ZNF589: variants seen among roughly 807,000 people sequenced by gnomAD.
ZNF589 encodes KRAB-zinc finger protein SZF1-1.
In ZNF589, 17 loss-of-function variants were observed where a neutral mutation model predicts 13.6. That is an observed-to-expected ratio of 1.25 (90% CI 0.86 to 1.88). The LOEUF (loss-of-function observed/expected upper bound fraction) is 1.88, where lower values mean the gene tolerates loss of function less well. Among genes scored for constraint, ZNF589 ranks in the 40% most tolerant of loss-of-function variants. The pLI is 0.00. For missense variants in ZNF589, 407 were observed against 434.0 expected (o/e 0.94, Z 0.55); for synonymous variants, 148 against 161.6 (o/e 0.92, Z 0.64).
At chr3:48,247,163 GTTTC>G (rs1322929975) in intron 1 of ZNF589, among the ~76,000 whole-genome samples, 2 of 149,866 alleles carry the variant, frequency 1.3e-5, no homozygotes, top group Non-Finnish European at 3.0e-5. Flanking sequence ...TGGAGTTGGG[GTTTC>G]TTTGTCATGT....
intron 2 of ZNF589, among the ~76,000 whole-genome samples, chr3:48,255,212 A>G (rs1456814532): frequency 2.0e-5 from 3 of 149,196 alleles, no homozygotes; most frequent in African/African-American, 7.4e-5. Context: ...GTCTCACTCT[A>G]CCTGTCAGGC....
At chr3:48,260,668 CA>C in intron 2 of ZNF589, 144 bp from the exon 3 acceptor site, 1 of 1,135,346 alleles carries the variant, frequency 8.8e-7, no homozygotes, top group South Asian at 1.5e-5. Flanking sequence ...CTCGGCCTCC[CA>C]AAGTGCTAGG....
In ZNF589 at chr3:48,260,601, G is replaced by A. The variant is rs796868581; in HGVS notation, c.97-212G>A. On this transcript the variant is annotated intron_variant, in intron 2 of 3. Transcript: ENST00000354698. ...TTTTTGTATTTTTAGTGGAGACAGC[G>A]TTTCACCATATTGGCCAGTCTGGTC... Among the ~76,000 whole-genome samples the A allele has an allele frequency of 9.2e-5, 14 of 152,204 alleles. No homozygotes were observed. The East Asian group carries it at 1.9e-3, about 21-fold the overall frequency.
intron 2 of ZNF589, 22 bp from the exon 3 acceptor site, chr3:48,260,791 A>G (rs199583199): frequency 6.2e-7 from 1 of 1,614,006 alleles, no homozygotes; most frequent in Non-Finnish European, 8.5e-7. Flanking sequence ...CTTGATGAAT[A>G]TGAATTTATC....
intron 3 of ZNF589, among the ~76,000 whole-genome samples, chr3:48,265,562 A>C (rs1179841346): frequency 1.3e-5 from 2 of 152,086 alleles, no homozygotes; most frequent in African/African-American, 4.8e-5. Context: ...TGCTGGGATT[A>C]CAAGTGTGAG....
At chr3:48,267,708 A>C (rs1456098778) in intron 3 of ZNF589, among the ~76,000 whole-genome samples, 1 of 152,184 alleles carries the variant, frequency 6.6e-6, no homozygotes, top group African/African-American at 2.4e-5. Context: ...TGTATTATTC[A>C]TATTCTTGCA....
intron 2 of ZNF589, among the ~76,000 whole-genome samples, chr3:48,256,101 A>G (rs995040022): frequency 6.6e-6 from 1 of 151,986 alleles, no homozygotes; most frequent in Admixed American, 6.6e-5. Flanking sequence ...AGCACTGAGT[A>G]TGGCCCAAGC....
In ZNF589 at chr3:48,269,742, C is replaced by T; in HGVS notation, c.*956C>T. ...ATTTTAGCAACAAGTCAGCCATCAG[C>T]CACACCAGCGGAAATGCTTAGGGAG... On this transcript the variant is annotated 3_prime_UTR_variant, in exon 4 of 4. Coordinates refer to ENST00000354698, the MANE Select transcript of ZNF589 (RefSeq NM_016089.3). 3.0e-6 allele frequency: 1 copy of T among 338,284 alleles called. No individual in the cohort carries two copies. Among genetic ancestry groups the T allele is most frequent in the Non-Finnish European group, 5.8e-6 (1 of 172,288 alleles). 21.0% of individuals were successfully genotyped at this position (338,284 alleles called of 1,614,324 possible). A position where few individuals can be genotyped will look rare whatever the true frequency, so the allele number is the denominator to read the frequency against.
intron 2 of ZNF589, among the ~76,000 whole-genome samples, chr3:48,259,367 A>G (rs2033943739): frequency 6.6e-6 from 1 of 152,230 alleles, no homozygotes; most frequent in East Asian, 1.9e-4. Flanking sequence ...TTTATAGTCC[A>G]GCTCTCAGGG....
At position 48,268,264 on chromosome 3, in the gene ZNF589, A is replaced by G. The variant is rs558895789; in HGVS notation, c.573A>G (p.Pro191=). 5.0e-6 allele frequency: 8 copies of G among 1,610,380 alleles called. No individual in the cohort carries two copies. The East Asian group carries it at 1.3e-4, about 27-fold the overall frequency. Residue 191 remains proline (P), a synonymous_variant, in exon 4 of 4, where the codon CCA becomes CCG. Transcript: ENST00000354698. ...GNRILEIQLS[P]AQNASSEEVD... is the part of the protein sequence containing the mutation. ...GAATATTAGAGATACAGCTCAGTCC[A>G]GCCCAGAATGCAAGCTCTGAGGAAG...
rs1355712864 is a variant in ZNF589, at chr3:48,268,094, A to G, written c.403A>G (p.Lys135Glu). The change falls in exon 4 of 4, where the codon AAA becomes GAA. Residue 135 changes from lysine (K) to glutamate (E), a missense_variant. Physicochemically the swap from Lys to Glu is moderately conservative, Grantham distance 56. Transcript: ENST00000354698. The part of the protein sequence containing the change: ...DQPQSQHPSD[K>E]NHRGAEAEDQ... The stretch of plus-strand genomic sequence containing the variant: ...GCCACAGTCACAACATCCTTCTGAT[A>G]AAAATCACAGGGGGGCTGAAGCAGA... 6.2e-7 allele frequency: 1 copy of G among 1,614,232 alleles called. No homozygotes were observed. The highest frequency in any genetic ancestry group is 1.7e-5 in the Admixed American group (1 of 60,022).
intron 1 of ZNF589, among the ~76,000 whole-genome samples, chr3:48,247,325 G>C (rs954922753): frequency 6.6e-6 from 1 of 151,828 alleles, no homozygotes; most frequent in African/African-American, 2.4e-5. Flanking sequence ...TAACACATGG[G>C]GGGAAATGAT....
At chr3:48,246,318 A>G (rs1246533061) in intron 1 of ZNF589, among the ~76,000 whole-genome samples, 1 of 151,968 alleles carries the variant, frequency 6.6e-6, no homozygotes, top group African/African-American at 2.4e-5. Flanking sequence ...CAATCAATCA[A>G]TCAATCAGTT....
chr3:48,269,319 TC>T lies in ZNF589; in HGVS notation c.*535del. ...CGAGGCTTTATAGCTCAGTCAACCC[TC>T]CACTACCACCGGAGTACACACTCCA... On this transcript the variant is annotated 3_prime_UTR_variant, in exon 4 of 4. Coordinates refer to ENST00000354698, the MANE Select transcript of ZNF589 (RefSeq NM_016089.3). 1 of 1,392,948 alleles carries T rather than the reference TC, an allele frequency of 7.2e-7. No homozygotes were observed. Among genetic ancestry groups the T allele is most frequent in the East Asian group, 2.5e-5 (1 of 40,512 alleles). The allele number at this position is 1,392,948 out of a possible 1,614,324, so 86.3% of individuals were successfully genotyped here.
At chr3:48,255,675 G>C (rs760833022) in intron 2 of ZNF589, among the ~76,000 whole-genome samples, 1 of 150,810 alleles carries the variant, frequency 6.6e-6, no homozygotes, top group African/African-American at 2.4e-5. Flanking sequence ...TGTGTTTTCA[G>C]TACAGACATG....
chr3:48,268,791 G>A lies in ZNF589; in HGVS notation c.*5G>A, dbSNP rs368376553. ...CCTTATGTGTGCAGAGATTGAGGCCGAGGCTTTGTAAGGAGATCATGTCTC... is the reference window on the plus strand; with the variant it reads ...CCTTATGTGTGCAGAGATTGAGGCCAAGGCTTTGTAAGGAGATCATGTCTC... On this transcript the variant is annotated 3_prime_UTR_variant, in exon 4 of 4. Coordinates refer to ENST00000354698, the MANE Select transcript of ZNF589 (RefSeq NM_016089.3). 8.9e-5 allele frequency: 143 copies of A among 1,606,688 alleles called. 1 individual carries two copies. Among genetic ancestry groups the A allele is most frequent in the African/African-American group, 5.9e-4 (44 of 74,728 alleles).
intron 2 of ZNF589, among the ~76,000 whole-genome samples, chr3:48,253,232 C>T (rs912290640): frequency 6.6e-6 from 1 of 152,052 alleles, no homozygotes; most frequent in South Asian, 2.1e-4. Context: ...GCTTTTGCCA[C>T]GTTGGCCAGG....
Position 48,270,888 on chromosome 3 carries a change from C to T in ZNF589, c.*2102C>T. ...CCTGGAATGTAGGATCTCCCCCATG[C>T]CTGGCCTACCACCCTAATGTGTCTG... is the stretch of plus-strand genomic sequence containing the variant. On this transcript the variant is annotated 3_prime_UTR_variant, in exon 4 of 4. Transcript: ENST00000354698. The T allele has an allele frequency of 5.6e-6, 1 of 178,926 alleles. No individual in the cohort carries two copies. The highest frequency in any genetic ancestry group is 1.2e-5 in the Non-Finnish European group (1 of 86,388). The allele number at this position is 178,926 out of a possible 1,614,324, so 11.1% of individuals were successfully genotyped here.
chr3:48,257,226 A>G (rs114976310), intron 2 of ZNF589, among the ~76,000 whole-genome samples: 2,053 of 152,110 alleles, frequency 0.013, 16 homozygotes, highest in Non-Finnish European at 0.024. Context: ...GGGGTCTTCT[A>G]TAGTAAAAAG....
Sources: allele counts gnomAD v4.1 joint callset (sites outside exome capture counted in the v4.1 genomes callset), GRCh38; gene constraint gnomAD v4.1.1; transcripts MANE v1.5; gene names NCBI Gene and HGNC (gene_info 2026-07-23, HGNC 2026-07-21).